Variants in ARHGAP22 observed in about 807,000 individuals in gnomAD.
The protein encoded by ARHGAP22 is rho GTPase-activating protein 22.
A neutral mutation model predicts 59.1 loss-of-function variants in ARHGAP22; 48 were observed. That is an observed-to-expected ratio of 0.81 (90% CI 0.64 to 1.03). ARHGAP22 has a LOEUF of 1.03. Among genes scored for constraint, ARHGAP22 ranks in the 50% least tolerant of loss-of-function variants. The probability of loss-of-function intolerance (pLI) is 0.00; values close to 1 mark genes in which losing one functional copy is unlikely to be tolerated. For missense variants in ARHGAP22, 1,015 were observed against 958.7 expected (o/e 1.06, Z -0.78); for synonymous variants, 445 against 416.4 (o/e 1.07, Z -0.84).
chr10:48,454,218 T>G, intron 6 of ARHGAP22, 57 bp from the exon 7 acceptor site: 14 of 1,474,450 alleles, frequency 9.5e-6, no homozygotes, highest in African/African-American at 1.4e-5. Flanking sequence ...GACTGTTCTC[T>G]GACTGCGAGG....
intron 3 of ARHGAP22, among the ~76,000 whole-genome samples, chr10:48,490,235 C>A (rs921558130): frequency 2.0e-5 from 3 of 152,158 alleles, no homozygotes; most frequent in Admixed American, 1.3e-4. Flanking sequence ...CAAGCACTGT[C>A]TAAGTGTTCC....
rs75834113 is a variant in ARHGAP22 at position 48,602,986 on chromosome 10, G to A, written c.34+1777C>T. Among the ~76,000 whole-genome samples, 249 of 152,270 alleles carry A rather than the reference G, an allele frequency of 1.6e-3. 1 individual carries two copies. Among genetic ancestry groups the A allele is most frequent in the African/African-American group, 5.7e-3 (237 of 41,556 alleles). ...CACACACATACAGGCATGCATGTGCGCACATGTGAATGTGGGAGGCATTTC... is the reference window on the plus strand; with the variant it reads ...CACACACATACAGGCATGCATGTGCACACATGTGAATGTGGGAGGCATTTC... On this transcript the variant is annotated intron_variant, in intron 1 of 9. Coordinates refer to ENST00000249601, the MANE Select transcript of ARHGAP22 (RefSeq NM_021226.4).
chr10:48,536,188 C>T (rs3853763), intron 3 of ARHGAP22, among the ~76,000 whole-genome samples: 26,763 of 152,244 alleles, frequency 0.18, 2,745 homozygotes, highest in East Asian at 0.42. Context: ...GGGGAGGTCT[C>T]TGCCAGACGA....
chr10:48,559,417 G>A (rs1294823729), intron 2 of ARHGAP22, among the ~76,000 whole-genome samples: 1 of 152,168 alleles, frequency 6.6e-6, no homozygotes, highest in African/African-American at 2.4e-5. Flanking sequence ...CATCTCTAGC[G>A]CCATACAAAT....
At chr10:48,523,440 G>A (rs1035282486) in intron 3 of ARHGAP22, among the ~76,000 whole-genome samples, 1 of 152,202 alleles carries the variant, frequency 6.6e-6, no homozygotes, top group Admixed American at 6.5e-5. Flanking sequence ...CCGGACCTCC[G>A]GCGGCCGCCA....
chr10:48,555,581 GC>G (rs1281953928), intron 2 of ARHGAP22, 31 bp from the exon 3 acceptor site: 1 of 1,601,894 alleles, frequency 6.2e-7, no homozygotes, highest in Non-Finnish European at 8.6e-7. Flanking sequence ...AACACAGGGA[GC>G]ATGAGATGAT....
At chr10:48,634,296 T>A (rs778448116) in intron 1 of ARHGAP22, among the ~76,000 whole-genome samples, 1 of 152,172 alleles carries the variant, frequency 6.6e-6, no homozygotes. Flanking sequence ...GGCAAGTCAG[T>A]AAACTTCAGA....
At chr10:48,477,034 G>A (rs958685942) in intron 4 of ARHGAP22, among the ~76,000 whole-genome samples, 2 of 152,134 alleles carry the variant, frequency 1.3e-5, no homozygotes, top group Non-Finnish European at 2.9e-5. Context: ...GCATAAATAT[G>A]CAGATAAACA....
chr10:48,515,020 A>C (rs1446487200), intron 3 of ARHGAP22, among the ~76,000 whole-genome samples: 1 of 152,348 alleles, frequency 6.6e-6, no homozygotes, highest in East Asian at 1.9e-4. Context: ...GCAGTAATGG[A>C]GAAATAGAAC....
intron 3 of ARHGAP22, among the ~76,000 whole-genome samples, chr10:48,544,194 A>G (rs2056226241): frequency 6.6e-6 from 1 of 152,098 alleles, no homozygotes; most frequent in African/African-American, 2.4e-5. Flanking sequence ...CGTACTTCAC[A>G]TGATGATTAC....
At chr10:48,491,397 C>T (rs968898636) in intron 3 of ARHGAP22, among the ~76,000 whole-genome samples, 13 of 152,254 alleles carry the variant, frequency 8.5e-5, no homozygotes, top group Non-Finnish European at 1.8e-4. Context: ...TTCCTGACCA[C>T]CCTATTTAAG....
chr10:48,556,874 T>C (rs915656075), intron 2 of ARHGAP22, among the ~76,000 whole-genome samples: 2 of 152,158 alleles, frequency 1.3e-5, no homozygotes, highest in African/African-American at 4.8e-5. Flanking sequence ...CTCCTGCCTC[T>C]ACCCCCATGT....
rs1237810478 is a variant in ARHGAP22, at chr10:48,604,887, T to C, written c.-91A>G. The C allele has an allele frequency of 6.9e-6, 11 of 1,598,438 alleles. No individual in the cohort carries two copies. In the African/African-American group the frequency reaches 1.3e-4, roughly 20 times the overall value. ...TCCTCGCGCCTAGTCGCCCCTCATG[T>C]CCTGCTCGTTCGGGGCCCCGTGGCC... On this transcript the variant is annotated 5_prime_UTR_variant, in exon 1 of 10. Coordinates refer to ENST00000249601, the MANE Select transcript of ARHGAP22 (RefSeq NM_021226.4).
chr10:48,474,216 G>A (rs1324624337), intron 4 of ARHGAP22, among the ~76,000 whole-genome samples: 2 of 152,062 alleles, frequency 1.3e-5, no homozygotes, highest in South Asian at 2.1e-4. Flanking sequence ...GGATGCTCCT[G>A]TAGATGAAAT....
chr10:48,530,822 G>A (rs1362263529), intron 3 of ARHGAP22, among the ~76,000 whole-genome samples: 1 of 152,200 alleles, frequency 6.6e-6, no homozygotes, highest in Non-Finnish European at 1.5e-5. Flanking sequence ...CTGCTGGTGG[G>A]AATGGAAACT....
chr10:48,570,313 T>C (rs1002562110), intron 2 of ARHGAP22, among the ~76,000 whole-genome samples: 10 of 152,230 alleles, frequency 6.6e-5, no homozygotes, highest in African/African-American at 2.4e-4. Context: ...CTCCAATGAG[T>C]AATTCTTCAC....
chr10:48,571,700 T>C (rs2058403672), intron 2 of ARHGAP22, among the ~76,000 whole-genome samples: 1 of 152,222 alleles, frequency 6.6e-6, no homozygotes, highest in Non-Finnish European at 1.5e-5. Flanking sequence ...CATGATACCG[T>C]GGCAGGGATC....
intron 3 of ARHGAP22, among the ~76,000 whole-genome samples, chr10:48,529,798 CA>C (rs2054647521): frequency 6.6e-6 from 1 of 152,134 alleles, no homozygotes; most frequent in Non-Finnish European, 1.5e-5. Context: ...AAAATAAAGC[CA>C]AATACTTACA....
chr10:48,577,263 G>T (rs1171133762), intron 2 of ARHGAP22, among the ~76,000 whole-genome samples: 1 of 152,112 alleles, frequency 6.6e-6, no homozygotes, highest in African/African-American at 2.4e-5. Flanking sequence ...CAGTAGTTTT[G>T]TATAACAGTT....
Sources: allele counts gnomAD v4.1 joint callset (sites outside exome capture counted in the v4.1 genomes callset), GRCh38; gene constraint gnomAD v4.1.1; transcripts MANE v1.5; gene names NCBI Gene and HGNC (gene_info 2026-07-23, HGNC 2026-07-21).